ADD2: variants seen among roughly 807,000 people sequenced by gnomAD.
ADD2 encodes beta-adducin.
Under a neutral mutation model 83.0 loss-of-function variants are expected in ADD2, and 23 were observed. The observed-to-expected ratio is 0.28, with a 90% confidence interval of 0.20 to 0.39. The LOEUF (loss-of-function observed/expected upper bound fraction) is 0.39. ADD2 is among the 10% of genes least tolerant of loss of function. The probability of loss-of-function intolerance (pLI) is 1.00; values close to 1 mark genes in which losing one functional copy is unlikely to be tolerated. For missense variants in ADD2, 758 were observed against 944.9 expected (o/e 0.80, Z 2.59); for synonymous variants, 375 against 375.4 (o/e 1.00, Z 0.01).
chr2:70,709,657 T>C (rs1553375141), intron 2 of ADD2, among the ~76,000 whole-genome samples: 1 of 152,204 alleles, frequency 6.6e-6, no homozygotes, highest in Non-Finnish European at 1.5e-5. Context: ...ATGATTTATC[T>C]GAGTTGGAGA....
At chr2:70,682,210 A>C (rs1353571337) in intron 10 of ADD2, among the ~76,000 whole-genome samples, 1 of 152,228 alleles carries the variant, frequency 6.6e-6, no homozygotes, top group African/African-American at 2.4e-5. Context: ...TTCAAAGAAA[A>C]ATTGGTCTAA....
intron 15 of ADD2, 38 bp downstream of exon 15, chr2:70,672,840 C>G: frequency 6.3e-7 from 1 of 1,576,132 alleles, no homozygotes; most frequent in Non-Finnish European, 8.6e-7. Context: ...GCAGATGCAC[C>G]CCTCTCCCTC....
chr2:70,704,799 C>G (rs916519668), intron 3 of ADD2, among the ~76,000 whole-genome samples: 2 of 152,150 alleles, frequency 1.3e-5, no homozygotes, highest in Admixed American at 6.5e-5. Flanking sequence ...TTTTTTTAGG[C>G]AGAACTGAAT....
intron 1 of ADD2, among the ~76,000 whole-genome samples, chr2:70,744,217 A>G (rs1343374546): frequency 6.6e-6 from 1 of 152,214 alleles, no homozygotes; most frequent in African/African-American, 2.4e-5. Flanking sequence ...GATTGTACCA[A>G]TGTTAATTGC....
chr2:70,688,125 G>A lies in ADD2; in HGVS notation c.850-3C>T. The A allele has an allele frequency of 6.2e-7, 1 of 1,612,538 alleles. No individual in the cohort carries two copies. Among genetic ancestry groups the A allele is most frequent in the Non-Finnish European group, 8.5e-7 (1 of 1,178,692 alleles). On this transcript the variant is annotated splice_polypyrimidine_tract_variant and splice_region_variant and intron_variant, in intron 8 of 15. Transcript: ENST00000264436. ...CCATGGTTTCTTAGCACCAGGATCT[G>A]TAGAGAAATAAATAGTCAATTAAAA...
At chr2:70,726,818 C>G (rs1182528216) in intron 1 of ADD2, among the ~76,000 whole-genome samples, 5 of 152,142 alleles carry the variant, frequency 3.3e-5, no homozygotes, top group Non-Finnish European at 7.3e-5. Context: ...ACTAAAACAG[C>G]CTATGTCAAG....
At chr2:70,717,859 C>T (rs1457069565) in intron 1 of ADD2, 3 of 152,220 alleles carry the variant, frequency 2.0e-5, no homozygotes, top group African/African-American at 4.8e-5. Context: ...GAAAGCTTAT[C>T]ATCATTTTTT....
intron 1 of ADD2, among the ~76,000 whole-genome samples, chr2:70,725,984 G>A (rs896995966): frequency 2.6e-5 from 4 of 151,826 alleles, no homozygotes; most frequent in African/African-American, 7.3e-5. Context: ...TCAGGAGATC[G>A]AGACCATCCC....
chr2:70,749,281 C>T (rs1422709735), intron 1 of ADD2, among the ~76,000 whole-genome samples: 2 of 152,164 alleles, frequency 1.3e-5, no homozygotes, highest in African/African-American at 4.8e-5. Context: ...CACAGGGTCC[C>T]TCCCATGACA....
chr2:70,728,397 A>C (rs1290679377), intron 1 of ADD2, among the ~76,000 whole-genome samples: 3 of 152,198 alleles, frequency 2.0e-5, no homozygotes, highest in Admixed American at 2.0e-4. Context: ...AGCGGGGGTC[A>C]GTCTGCACCT....
At chr2:70,726,047 C>T (rs966946490) in intron 1 of ADD2, among the ~76,000 whole-genome samples, 4 of 151,542 alleles carry the variant, frequency 2.6e-5, no homozygotes, top group Non-Finnish European at 5.9e-5. Flanking sequence ...ATTAGCCGGG[C>T]GTAGTGGCAG....
intron 1 of ADD2, 59 bp from the exon 2 acceptor site, chr2:70,713,243 T>C (rs1672290641): frequency 1.5e-6 from 1 of 684,424 alleles, no homozygotes; most frequent in Non-Finnish European, 1.8e-6. Context: ...CTTCACCTGA[T>C]TTATAAGAGC....
intron 1 of ADD2, among the ~76,000 whole-genome samples, chr2:70,752,089 A>G (rs543747393): frequency 6.6e-6 from 1 of 152,336 alleles, no homozygotes; most frequent in East Asian, 1.9e-4. Flanking sequence ...CAAATTCTGT[A>G]ACACACACGC....
rs576391209 is a variant in ADD2, at chr2:70,659,161, A to T, written c.*4264T>A. ...AGCTCCGTCTAAAAAAAAAAAAAAA[A>T]AAAAAAAAAAAGAAAGAAAAAGAAA... On this transcript the variant is annotated 3_prime_UTR_variant, in exon 16 of 16. Coordinates refer to ENST00000264436, the MANE Select transcript of ADD2 (RefSeq NM_001617.4). The T allele has an allele frequency of 6.7e-6, 1 of 148,154 alleles. No individual in the cohort carries two copies. The highest frequency in any genetic ancestry group is 1.5e-5 in the Non-Finnish European group (1 of 67,442). The allele number at this position is 148,154 out of a possible 1,614,324, so 9.2% of individuals were successfully genotyped here.
chr2:70,674,878 G>A, intron 13 of ADD2, 53 bp from the exon 14 acceptor site: 1 of 1,570,596 alleles, frequency 6.4e-7, no homozygotes, highest in Non-Finnish European at 8.6e-7. Flanking sequence ...CAGTTGGGGT[G>A]CAGGCCCCAG....
At chr2:70,716,718 A>C (rs7597774) in intron 1 of ADD2, among the ~76,000 whole-genome samples, 74,663 of 151,970 alleles carry the variant, frequency 0.49, 20,454 homozygotes, top group East Asian at 0.77. Flanking sequence ...GCAAGTGAGG[A>C]CTGAGGGGAG....
At chr2:70,748,290 TAA>T (rs3836142) in intron 1 of ADD2, among the ~76,000 whole-genome samples, 18,579 of 146,746 alleles carry the variant, frequency 0.13, 1,154 homozygotes, top group Middle Eastern at 0.21. Context: ...CAAACACTGA[TAA>T]AAAAAAAAAA....
At position 70,657,210 on chromosome 2, in the gene ADD2, CA is replaced by C. The variant is rs1487447544; in HGVS notation, c.*6214del. On this transcript the variant is annotated 3_prime_UTR_variant, in exon 16 of 16. Coordinates refer to ENST00000264436, the MANE Select transcript of ADD2 (RefSeq NM_001617.4). Reference sequence around the variant, plus strand: ...TACATGGAACCCCTATTTGAAACCTCACAATACTAGGAAAAGCTAAACACAG... The same window carrying C: ...TACATGGAACCCCTATTTGAAACCTCCAATACTAGGAAAAGCTAAACACAG... The C allele has an allele frequency of 6.6e-6, 1 of 152,048 alleles. No individual in the cohort carries two copies. The highest frequency in any genetic ancestry group is 1.5e-5 in the Non-Finnish European group (1 of 68,032). 9.4% of individuals were successfully genotyped at this position (152,048 alleles called of 1,614,324 possible).
intron 1 of ADD2, among the ~76,000 whole-genome samples, chr2:70,723,191 T>C (rs1370635634): frequency 6.6e-6 from 1 of 152,204 alleles, no homozygotes; most frequent in Non-Finnish European, 1.5e-5. Context: ...TATGTGACCT[T>C]GAACAAGTTG....
Sources: allele counts gnomAD v4.1 joint callset (sites outside exome capture counted in the v4.1 genomes callset), GRCh38; gene constraint gnomAD v4.1.1; transcripts MANE v1.5; gene names NCBI Gene and HGNC (gene_info 2026-07-23, HGNC 2026-07-21).